The following NTNG1 variants were observed in gnomAD, a reference collection of about 807,000 sequenced individuals.
NTNG1 encodes the protein netrin-G1.
A neutral mutation model predicts 54.0 loss-of-function variants in NTNG1; 16 were observed. That is an observed-to-expected ratio of 0.30 (90% CI 0.20 to 0.45). The LOEUF is 0.45. NTNG1 is among the 20% of genes least tolerant of loss of function. The pLI is 1.00. For missense variants in NTNG1, 530 were observed against 678.7 expected (o/e 0.78, Z 2.43); for synonymous variants, 255 against 263.1 (o/e 0.97, Z 0.30).
chr1:107,175,813 T>A (rs1264934401), intron 2 of NTNG1, among the ~76,000 whole-genome samples: 1 of 152,138 alleles, frequency 6.6e-6, no homozygotes, highest in African/African-American at 2.4e-5. Context: ...AATTCCAGAT[T>A]CATTTAACAT....
At chr1:107,153,514 A>C (rs1055321742) in intron 2 of NTNG1, among the ~76,000 whole-genome samples, 1 of 152,206 alleles carries the variant, frequency 6.6e-6, no homozygotes, top group African/African-American at 2.4e-5. Flanking sequence ...AATTTTTAAA[A>C]ACCTTCAGTT....
intron 2 of NTNG1, among the ~76,000 whole-genome samples, chr1:107,181,849 C>G (rs573165966): frequency 7.3e-4 from 111 of 152,200 alleles, no homozygotes; most frequent in Middle Eastern, 6.8e-3. Flanking sequence ...GACTGATTTA[C>G]TATATGCAGA....
chr1:107,436,792 C>A lies in NTNG1; in HGVS notation c.1383C>A (p.Gly461=). The A allele has an allele frequency of 6.2e-7, 1 of 1,613,282 alleles. No homozygotes were observed. Among genetic ancestry groups the A allele is most frequent in the Non-Finnish European group, 8.5e-7 (1 of 1,179,498 alleles). The change falls in exon 7 of 8, where the codon GGC becomes GGA. Residue 461 remains glycine, a synonymous_variant. Transcript: ENST00000370068. ...TGCCGGGAAATTCCTGGCACTACGGCTGTCAACGTAAGTAACTCTGGGAGC... is the reference window on the plus strand; with the variant it reads ...TGCCGGGAAATTCCTGGCACTACGGATGTCAACGTAAGTAACTCTGGGAGC... ...ECLPGNSWHY[G]CQPNVCDNEL...
At chr1:107,326,742 T>TAA (rs1352906267) in intron 3 of NTNG1, among the ~76,000 whole-genome samples, 1 of 152,120 alleles carries the variant, frequency 6.6e-6, no homozygotes, top group East Asian at 1.9e-4. Flanking sequence ...CATATACCTT[T>TAA]ATTTGCCACT....
intron 2 of NTNG1, among the ~76,000 whole-genome samples, chr1:107,290,109 A>T (rs1665483402): frequency 6.6e-6 from 1 of 152,180 alleles, no homozygotes; most frequent in Non-Finnish European, 1.5e-5. Flanking sequence ...ACCACGAATA[A>T]CTTAGTCAAC....
At chr1:107,401,313 A>G (rs1462761080) in intron 4 of NTNG1, among the ~76,000 whole-genome samples, 1 of 152,164 alleles carries the variant, frequency 6.6e-6, no homozygotes, top group Non-Finnish European at 1.5e-5. Context: ...GTTCTTCCAC[A>G]TATGTGTATG....
intron 2 of NTNG1, among the ~76,000 whole-genome samples, chr1:107,284,381 AC>A (rs774704731): frequency 6.6e-6 from 1 of 152,126 alleles, no homozygotes; most frequent in Non-Finnish European, 1.5e-5. Context: ...AAAATAATTT[AC>A]CTAAAAGTAT....
intron 5 of NTNG1, among the ~76,000 whole-genome samples, chr1:107,427,341 A>G (rs1006312832): frequency 2.6e-5 from 4 of 152,026 alleles, no homozygotes; most frequent in Non-Finnish European, 5.9e-5. Flanking sequence ...ATATAAGAAG[A>G]AATGGGAGGT....
At chr1:107,274,607 T>A (rs1228949344) in intron 2 of NTNG1, among the ~76,000 whole-genome samples, 1 of 152,144 alleles carries the variant, frequency 6.6e-6, no homozygotes, top group African/African-American at 2.4e-5. Context: ...GAACAGGTTG[T>A]CCAGATGAAG....
At chr1:107,149,057 G>A (rs146105148) in intron 2 of NTNG1, among the ~76,000 whole-genome samples, 11 of 152,112 alleles carry the variant, frequency 7.2e-5, no homozygotes, top group African/African-American at 1.9e-4. Context: ...CTTACTTTCC[G>A]CTTCCCTGAA....
At chr1:107,308,982 T>C (rs982022581) in intron 2 of NTNG1, among the ~76,000 whole-genome samples, 1 of 149,794 alleles carries the variant, frequency 6.7e-6, no homozygotes, top group Non-Finnish European at 1.5e-5. Flanking sequence ...TTCCAGACAT[T>C]ACACGTTGAT....
intron 2 of NTNG1, among the ~76,000 whole-genome samples, chr1:107,155,954 C>T (rs1453285790): frequency 2.0e-5 from 3 of 152,152 alleles, no homozygotes; most frequent in Non-Finnish European, 4.4e-5. Context: ...AGTATAGTGA[C>T]ATGCTATACA....
chr1:107,440,502 G>A (rs1675899462), intron 7 of NTNG1, among the ~76,000 whole-genome samples: 1 of 152,156 alleles, frequency 6.6e-6, no homozygotes, highest in South Asian at 2.1e-4. Context: ...TATAGTAATT[G>A]TGAAGGTTCA....
rs1177315161 is a variant in NTNG1 at position 107,483,184 on chromosome 1, AT to A, written c.*2347del. On this transcript the variant is annotated 3_prime_UTR_variant, in exon 8 of 8. Transcript: ENST00000370068. ...GCACAAACCAAAGGCAGCCCATGTT[AT>A]TTCTGGCAAAGATGCACTTTATCGT... The A allele has an allele frequency of 1.3e-5, 2 of 152,204 alleles. No homozygotes were observed. Among genetic ancestry groups the A allele is most frequent in the Non-Finnish European group, 2.9e-5 (2 of 68,042 alleles). The allele number at this position is 152,204 out of a possible 1,614,324, so 9.4% of individuals were successfully genotyped here.
At chr1:107,396,491 GA>G (rs919934244) in intron 4 of NTNG1, among the ~76,000 whole-genome samples, 1 of 151,888 alleles carries the variant, frequency 6.6e-6, no homozygotes, top group South Asian at 2.1e-4. Flanking sequence ...CAGTGTTAAA[GA>G]AAAAAAACTT....
At chr1:107,260,243 C>G (rs1663222129) in intron 2 of NTNG1, among the ~76,000 whole-genome samples, 1 of 152,216 alleles carries the variant, frequency 6.6e-6, no homozygotes, top group Admixed American at 6.5e-5. Flanking sequence ...CCTACTTGAA[C>G]TGACCTTGAG....
intron 2 of NTNG1, among the ~76,000 whole-genome samples, chr1:107,201,929 T>A (rs1383826229): frequency 6.6e-6 from 1 of 151,924 alleles, no homozygotes; most frequent in Non-Finnish European, 1.5e-5. Context: ...GTAAGAGAAT[T>A]AATTCCTCTC....
intron 2 of NTNG1, among the ~76,000 whole-genome samples, chr1:107,316,456 A>T (rs1342233822): frequency 6.6e-6 from 1 of 152,172 alleles, no homozygotes. Context: ...AATTATTCCC[A>T]AGCCTCCTAG....
intron 2 of NTNG1, among the ~76,000 whole-genome samples, chr1:107,319,656 CG>C (rs1480446202): frequency 6.6e-6 from 1 of 151,944 alleles, no homozygotes; most frequent in East Asian, 1.9e-4. Flanking sequence ...TTTCATGATT[CG>C]TTTAAGTGTT....
Sources: gnomAD v4.1 joint callset for allele counts (sites outside exome capture counted in the v4.1 genomes callset) on GRCh38, gnomAD v4.1.1 for gene constraint, MANE v1.5 for transcripts, NCBI Gene and HGNC (gene_info 2026-07-23, HGNC 2026-07-21) for gene names.